The following VRK2 variants were observed in gnomAD, a reference collection of about 807,000 sequenced individuals.
VRK2 encodes the protein VRK serine/threonine kinase 2, also known as serine/threonine-protein kinase VRK2.
A neutral mutation model predicts 57.6 loss-of-function variants in VRK2; 60 were observed. The ratio of observed to expected loss-of-function variants is 1.04; its 90% CI spans 0.85 to 1.29. The LOEUF (loss-of-function observed/expected upper bound fraction) is 1.29, where lower values mean the gene tolerates loss of function less well. VRK2 is among the 50% of genes most tolerant of loss of function. VRK2 has a pLI of 0.00. For missense variants in VRK2, 705 were observed against 588.1 expected, an observed-to-expected ratio of 1.20 and a Z score of -2.06; for synonymous variants, 231 against 199.2, an observed-to-expected ratio of 1.16 and a Z score of -1.35.
intron 1 of VRK2, among the ~76,000 whole-genome samples, chr2:57,923,818 G>T (rs1008613683): frequency 6.6e-6 from 1 of 151,802 alleles, no homozygotes; most frequent in Non-Finnish European, 1.5e-5. Context: ...AATGTCTAGA[G>T]AATTTCTCCA....
chr2:57,965,090 G>A (rs1373881401), intron 1 of VRK2, among the ~76,000 whole-genome samples: 1 of 152,024 alleles, frequency 6.6e-6, no homozygotes, highest in Admixed American at 6.6e-5. Context: ...CATTAAGTTG[G>A]TGCATAATGC....
chr2:58,147,911 A>G (rs924378013), intron 12 of VRK2, among the ~76,000 whole-genome samples: 2 of 150,910 alleles, frequency 1.3e-5, no homozygotes, highest in South Asian at 4.2e-4. Flanking sequence ...TCACATGTCC[A>G]TTGTGTAACT....
intron 2 of VRK2, among the ~76,000 whole-genome samples, chr2:58,075,645 T>G (rs946831253): frequency 3.9e-5 from 6 of 152,074 alleles, no homozygotes; most frequent in Non-Finnish European, 8.8e-5. Context: ...TATAAACCTA[T>G]TTTTTTGGTG....
intron 11 of VRK2, 52 bp from the exon 12 acceptor site, chr2:58,146,264 G>A: frequency 6.8e-7 from 1 of 1,468,780 alleles, no homozygotes; most frequent in East Asian, 2.5e-5. Context: ...GCATTTTTTA[G>A]AGAAATACCA....
intron 1 of VRK2, among the ~76,000 whole-genome samples, chr2:57,912,255 A>G (rs138290148): frequency 1.3e-5 from 2 of 152,340 alleles, no homozygotes; most frequent in East Asian, 3.9e-4. Context: ...CTACAAGTGA[A>G]CAAGCCATGT....
chr2:57,993,473 C>A (rs993104166), intron 1 of VRK2, among the ~76,000 whole-genome samples: 1 of 150,474 alleles, frequency 6.6e-6, no homozygotes, highest in Admixed American at 6.6e-5. Context: ...CATGTCCCTG[C>A]TCTGCTTTAA....
At chr2:58,132,120 A>C in intron 9 of VRK2, 192 bp downstream of exon 9, 1 of 606,086 alleles carries the variant, frequency 1.6e-6, no homozygotes, top group Non-Finnish European at 2.7e-6. Flanking sequence ...CATTGTAAAA[A>C]GACATGTATT....
At chr2:58,043,990 A>G (rs1375752326), upstream of VRK2, among the ~76,000 whole-genome samples, 2 of 152,238 alleles carry the variant, frequency 1.3e-5, no homozygotes, top group African/African-American at 4.8e-5. Context: ...AAGTGCACAC[A>G]TTTAAAGATT....
At chr2:57,919,128 T>C (rs1572859284) in intron 1 of VRK2, among the ~76,000 whole-genome samples, 3 of 151,990 alleles carry the variant, frequency 2.0e-5, no homozygotes, top group Non-Finnish European at 2.9e-5. Context: ...GTCCACTGAA[T>C]GCATGGAATC....
At chr2:58,084,503 G>T (rs1671341594) in intron 3 of VRK2, among the ~76,000 whole-genome samples, 2 of 151,796 alleles carry the variant, frequency 1.3e-5, no homozygotes, top group African/African-American at 4.8e-5. Context: ...TTCAGTAAAG[G>T]TATCATGTGT....
At chr2:58,075,539 C>T (rs893219999) in intron 2 of VRK2, among the ~76,000 whole-genome samples, 1 of 152,162 alleles carries the variant, frequency 6.6e-6, no homozygotes, top group Admixed American at 6.6e-5. Context: ...TGAAACCTCG[C>T]CAACATCTAT....
intron 1 of VRK2, among the ~76,000 whole-genome samples, chr2:57,971,620 T>C (rs939418880): frequency 2.6e-5 from 4 of 151,880 alleles, no homozygotes; most frequent in African/African-American, 7.2e-5. Context: ...GTAGGTAAAA[T>C]ATTCCTCTGG....
chr2:58,095,554 ATTAT>A (rs769374110), intron 7 of VRK2, among the ~76,000 whole-genome samples: 6 of 151,974 alleles, frequency 3.9e-5, no homozygotes, highest in Non-Finnish European at 5.9e-5. Context: ...GATTTATTCT[ATTAT>A]TTCTTATTAT....
chr2:58,032,779 T>C (rs1674156147), intron 2 of VRK2, among the ~76,000 whole-genome samples: 2 of 152,136 alleles, frequency 1.3e-5, no homozygotes, highest in South Asian at 4.1e-4. Flanking sequence ...TTGCAGTCTC[T>C]CTGCTAATGT....
chr2:58,119,366 A>G (rs1479737274), intron 7 of VRK2, among the ~76,000 whole-genome samples: 2 of 150,040 alleles, frequency 1.3e-5, no homozygotes, highest in African/African-American at 4.9e-5. Flanking sequence ...AAAATTAGCC[A>G]GGCATGGGGC....
intron 1 of VRK2, among the ~76,000 whole-genome samples, chr2:57,967,432 T>A (rs2104012898): frequency 6.6e-6 from 1 of 151,908 alleles, no homozygotes; most frequent in East Asian, 1.9e-4. Flanking sequence ...TTTTAACACA[T>A]CAGAAGGTTA....
chr2:58,092,141 T>C (rs1206913211), intron 7 of VRK2, among the ~76,000 whole-genome samples: 4 of 152,230 alleles, frequency 2.6e-5, no homozygotes, highest in African/African-American at 9.6e-5. Context: ...GTAGAACATT[T>C]CTTTCATTCC....
chr2:57,961,618 T>TCCCC (rs1671761741), intron 1 of VRK2, among the ~76,000 whole-genome samples: 2 of 87,364 alleles, frequency 2.3e-5, no homozygotes, highest in Admixed American at 1.1e-4. Flanking sequence ...TCTCCCACTG[T>TCCCC]ACCCACCCCC....
intron 1 of VRK2, among the ~76,000 whole-genome samples, chr2:57,922,277 A>G (rs1229099174): frequency 6.6e-6 from 1 of 152,092 alleles, no homozygotes; most frequent in African/African-American, 2.4e-5. Flanking sequence ...TGCTATATAT[A>G]CAGAAGACCA....
Sources: allele counts gnomAD v4.1 joint callset (sites outside exome capture counted in the v4.1 genomes callset), GRCh38; gene constraint gnomAD v4.1.1; transcripts MANE v1.5; gene names NCBI Gene and HGNC (gene_info 2026-07-23, HGNC 2026-07-21).